GFM1: variants seen among roughly 807,000 people sequenced by gnomAD.
GFM1 encodes elongation factor G, mitochondrial.
Under a neutral mutation model 96.2 loss-of-function variants are expected in GFM1, and 62 were observed. The observed-to-expected ratio is 0.64, with a 90% confidence interval of 0.53 to 0.80. The LOEUF (loss-of-function observed/expected upper bound fraction) is 0.80. GFM1 is among the 30% of genes least tolerant of loss of function. The probability of loss-of-function intolerance (pLI) is 0.00; values close to 1 mark genes in which losing one functional copy is unlikely to be tolerated. For synonymous variants in GFM1, 282 were observed against 312.9 expected (o/e 0.90, Z 1.04); for missense variants, 852 against 916.6 (o/e 0.93, Z 0.91).
chr3:158,665,862 TA>T (rs1723623037), intron 12 of GFM1, among the ~76,000 whole-genome samples: 1 of 152,074 alleles, frequency 6.6e-6, no homozygotes, highest in Non-Finnish European at 1.5e-5. Flanking sequence ...ATAATATAGA[TA>T]AAAGGAAGGG....
chr3:158,662,588 GT>G, intron 10 of GFM1, 39 bp from the exon 11 acceptor site: 1 of 1,300,056 alleles, frequency 7.7e-7, no homozygotes, highest in South Asian at 1.2e-5. Flanking sequence ...ATATGGGTCT[GT>G]TTTTTAATTC....
intron 13 of GFM1, chr3:158,670,918 G>A (rs781218249): frequency 1.5e-5 from 22 of 1,467,486 alleles, no homozygotes; most frequent in Non-Finnish European, 1.6e-5. Flanking sequence ...GGGTGATAGA[G>A]TGAGACCCTG....
chr3:158,666,612 G>T, intron 13 of GFM1: 1 of 1,563,820 alleles, frequency 6.4e-7, no homozygotes, highest in Non-Finnish European at 8.8e-7. Flanking sequence ...CACATCAATA[G>T]ACATGTTTAC....
intron 13 of GFM1, among the ~76,000 whole-genome samples, chr3:158,667,616 T>C (rs1324945529): frequency 1.3e-5 from 2 of 152,104 alleles, no homozygotes; most frequent in Non-Finnish European, 2.9e-5. Flanking sequence ...TGAAACCATG[T>C]CTCTATGAGA....
At chr3:158,664,999 A>C (rs1029748108) in intron 11 of GFM1, among the ~76,000 whole-genome samples, 2 of 152,162 alleles carry the variant, frequency 1.3e-5, no homozygotes, top group African/African-American at 4.8e-5. Context: ...GGATTTCTAA[A>C]ATGTAACACA....
At position 158,691,203 on chromosome 3, in the gene GFM1, T is replaced by G; in HGVS notation, c.2124+11T>G. 1 of 1,611,268 alleles carries G rather than the reference T, an allele frequency of 6.2e-7. No individual in the cohort carries two copies. The highest frequency in any genetic ancestry group is 8.5e-7 in the Non-Finnish European group (1 of 1,177,502). ...AGGTCATGCACAGAGGTAGGCAAAT[T>G]TAAACTTACCCTTCAAAAGACCACC... On this transcript the variant is annotated intron_variant, in intron 17 of 17. Transcript: ENST00000486715.
At chr3:158,671,718 AAAC>A (rs1370779878) in intron 13 of GFM1, among the ~76,000 whole-genome samples, 1 of 152,224 alleles carries the variant, frequency 6.6e-6, no homozygotes, top group African/African-American at 2.4e-5. Flanking sequence ...CGTAAAATGA[AAAC>A]AAACCTCGTT....
At chr3:158,661,581 C>T (rs949868903) in intron 10 of GFM1, among the ~76,000 whole-genome samples, 6 of 152,182 alleles carry the variant, frequency 3.9e-5, no homozygotes, top group Non-Finnish European at 7.3e-5. Flanking sequence ...GAGGGAAGAG[C>T]ATGCACAGGT....
chr3:158,684,177 A>C (rs1380783651), intron 14 of GFM1, among the ~76,000 whole-genome samples: 5 of 152,150 alleles, frequency 3.3e-5, no homozygotes, highest in African/African-American at 1.2e-4. Flanking sequence ...CATAGAGGGG[A>C]ACAACACACA....
chr3:158,671,001 G>A lies in GFM1; in HGVS notation c.1601+4615G>A. 1.3e-6 allele frequency: 2 copies of A among 1,536,072 alleles called. No individual in the cohort carries two copies. Among genetic ancestry groups the A allele is most frequent in the Non-Finnish European group, 1.7e-6 (2 of 1,145,704 alleles). On this transcript the variant is annotated intron_variant, in intron 13 of 17. Coordinates refer to ENST00000486715, the MANE Select transcript of GFM1 (RefSeq NM_024996.7). ...ACAGCAAATTTAAGGTGATACTTAT[G>A]TCCTCTTCCTGGAATATCCTAAAAT... is the stretch of plus-strand genomic sequence containing the variant.
intron 13 of GFM1, chr3:158,667,108 CTT>C (rs751372489): frequency 7.8e-6 from 12 of 1,531,756 alleles, no homozygotes; most frequent in Non-Finnish European, 1.1e-5. Context: ...TTGTTTAAAA[CTT>C]AATATCTTTG....
rs746364261 is a variant in GFM1 at position 158,662,639 on chromosome 3, T to C, written c.1335T>C (p.His445=). 1 of 1,596,662 alleles carries C rather than the reference T, an allele frequency of 6.3e-7. No individual in the cohort carries two copies. The highest frequency in any genetic ancestry group is 1.7e-5 in the Admixed American group (1 of 59,980). The change falls in exon 11 of 18, where the codon CAT becomes CAC. Residue 445 remains histidine (H), a synonymous_variant. Transcript: ENST00000486715. ...AAAAAATATTTTAGGAGTCAATTCA[T>C]GTTCCTGATCCTGTCATTTCAATAG... is the stretch of plus-strand genomic sequence containing the variant. The part of the protein sequence containing the change: ...ANSGLSMESI[H]VPDPVISIAM...
At chr3:158,645,061 T>C (rs1163044902) in intron 1 of GFM1, among the ~76,000 whole-genome samples, 4 of 151,844 alleles carry the variant, frequency 2.6e-5, no homozygotes, top group Admixed American at 2.6e-4. Flanking sequence ...GAAAGGTTTA[T>C]ATTGTATCTT....
intron 15 of GFM1, among the ~76,000 whole-genome samples, chr3:158,686,272 A>G (rs1387261430): frequency 6.8e-6 from 1 of 148,122 alleles, no homozygotes; most frequent in African/African-American, 2.4e-5. Context: ...AGTATAAAAT[A>G]TATATAAACC....
At chr3:158,684,403 A>G in intron 14 of GFM1, 121 bp from the exon 15 acceptor site, 1 of 911,982 alleles carries the variant, frequency 1.1e-6, no homozygotes, top group Middle Eastern at 2.2e-4. Flanking sequence ...ATTATTTTTG[A>G]GGGGTGAAAT....
intron 11 of GFM1, among the ~76,000 whole-genome samples, chr3:158,664,633 C>T (rs1435107489): frequency 6.6e-6 from 1 of 152,152 alleles, no homozygotes; most frequent in African/African-American, 2.4e-5. Context: ...TAGCTTCCTC[C>T]TCCATGTTTG....
chr3:158,645,700 C>T lies in GFM1; in HGVS notation c.153C>T (p.Ile51=). The T allele has an allele frequency of 4.3e-6, 7 of 1,610,954 alleles. No homozygotes were observed. Among genetic ancestry groups the T allele is most frequent in the Non-Finnish European group, 5.9e-6 (7 of 1,177,092 alleles). Residue 51 remains isoleucine (I), a synonymous_variant, in exon 2 of 18, where the codon ATC becomes ATT. Transcript: ENST00000486715. The part of the protein sequence containing the change: ...IPNEKIRNIG[I]SAHIDSGKTT... ...ATGAAAAAATACGAAATATTGGAAT[C>T]TCAGCTCACATTGATTCTGGGAAAA...
At chr3:158,654,379 G>A (rs534845508) in intron 7 of GFM1, among the ~76,000 whole-genome samples, 168 bp from the exon 8 acceptor site, 3 of 152,100 alleles carry the variant, frequency 2.0e-5, no homozygotes, top group Admixed American at 6.6e-5. Context: ...ATGCCCAGCT[G>A]AGAACTTATT....
At chr3:158,666,410 A>T (rs923631578) in intron 13 of GFM1, 24 bp downstream of exon 13, 7 of 1,583,894 alleles carry the variant, frequency 4.4e-6, no homozygotes, top group Non-Finnish European at 6.1e-6. Context: ...GTAATTAAAC[A>T]TTATGAGGCT....
Sources: gnomAD v4.1 joint callset for allele counts (sites outside exome capture counted in the v4.1 genomes callset) on GRCh38, gnomAD v4.1.1 for gene constraint, MANE v1.5 for transcripts, NCBI Gene and HGNC (gene_info 2026-07-23, HGNC 2026-07-21) for gene names.